CNNM2: variants seen among roughly 807,000 people sequenced by gnomAD.
CNNM2 encodes metal transporter CNNM2.
CNNM2 carries 12 observed loss-of-function variants against 66.9 expected under a neutral mutation model. The ratio of observed to expected loss-of-function variants is 0.18; its 90% CI spans 0.11 to 0.29. The LOEUF (loss-of-function observed/expected upper bound fraction) is 0.29, where lower values mean the gene tolerates loss of function less well. Among genes scored for constraint, CNNM2 ranks in the 10% least tolerant of loss-of-function variants. CNNM2 has a pLI of 1.00. For missense variants in CNNM2, 705 were observed against 1,167.7 expected (o/e 0.60, Z 5.77); for synonymous variants, 557 against 501.8 (o/e 1.11, Z -1.47).
rs368265402 is a variant in CNNM2, at chr10:103,036,958, C to T, written c.1622-12749C>T. Among the ~76,000 whole-genome samples the T allele has an allele frequency of 9.2e-5, 14 of 152,006 alleles. No homozygotes were observed. In the East Asian group the frequency reaches 2.7e-3, roughly 29 times the overall value. On this transcript the variant is annotated intron_variant, in intron 1 of 7. Transcript: ENST00000369878. ...GTCCTATACTGTGGCTCTGTCAATGCTCATATCGTGGTTGTGACTCTGTGC... is the reference window on the plus strand; with the variant it reads ...GTCCTATACTGTGGCTCTGTCAATGTTCATATCGTGGTTGTGACTCTGTGC...
At chr10:102,994,252 T>C (rs943704747) in intron 1 of CNNM2, among the ~76,000 whole-genome samples, 1 of 152,218 alleles carries the variant, frequency 6.6e-6, no homozygotes, top group African/African-American at 2.4e-5. Flanking sequence ...TCTTAACTTC[T>C]ACTCCTTACT....
In CNNM2 at chr10:103,079,237, G is replaced by A. The variant is rs2065732862; in HGVS notation, c.*2057G>A. On this transcript the variant is annotated 3_prime_UTR_variant, in exon 8 of 8. Transcript: ENST00000369878. ...CAGTGTGATGAGTGTATAAAGATGA[G>A]GGGTCCTTGCAACAAAGCAAAGCGT... The A allele has an allele frequency of 6.6e-6, 1 of 152,262 alleles. No individual in the cohort carries two copies. The allele number at this position is 152,262 out of a possible 1,614,324, so 9.4% of individuals were successfully genotyped here.
At chr10:102,985,522 C>A (rs1029572761) in intron 1 of CNNM2, among the ~76,000 whole-genome samples, 1 of 152,050 alleles carries the variant, frequency 6.6e-6, no homozygotes, top group African/African-American at 2.4e-5. Flanking sequence ...CTAAACTAAC[C>A]AGCAGACCCT....
chr10:103,014,723 C>T (rs569722389), intron 1 of CNNM2, among the ~76,000 whole-genome samples: 2 of 152,074 alleles, frequency 1.3e-5, no homozygotes, highest in African/African-American at 4.8e-5. Flanking sequence ...AGATGAAATT[C>T]CTCTATTAAA....
chr10:103,035,707 A>G (rs961018675), intron 1 of CNNM2, among the ~76,000 whole-genome samples: 4 of 152,154 alleles, frequency 2.6e-5, no homozygotes, highest in African/African-American at 9.7e-5. Context: ...AGCGAAAGAG[A>G]AAAGGAGTGG....
chr10:103,063,384 G>T (rs1013513371), intron 4 of CNNM2, among the ~76,000 whole-genome samples: 1 of 152,298 alleles, frequency 6.6e-6, no homozygotes, highest in South Asian at 2.1e-4. Context: ...TTGTGATGGC[G>T]ATTTAAAAAA....
rs2066059499 is a variant in CNNM2 at position 103,089,020 on chromosome 10, AAACAAACAAAAGGTAATAAGGATACT to A, written c.*11841_*11866del. 1 of 213,272 alleles carries A rather than the reference AAACAAACAAAAGGTAATAAGGATACT, an allele frequency of 4.7e-6. No individual in the cohort carries two copies. Among genetic ancestry groups the A allele is most frequent in the South Asian group, 1.9e-4 (1 of 5,372 alleles). The allele number at this position is 213,272 out of a possible 1,614,324, so 13.2% of individuals were successfully genotyped here. Reference sequence around the variant, plus strand: ...ATAACAAATAAGCATTTGTGCTATTAAACAAACAAAAGGTAATAAGGATACTGTCTTTTCCCTCAAAATAGAATCCT... The same window carrying A: ...ATAACAAATAAGCATTTGTGCTATTAGTCTTTTCCCTCAAAATAGAATCCT... On this transcript the variant is annotated 3_prime_UTR_variant, in exon 8 of 8. Coordinates refer to ENST00000369878, the MANE Select transcript of CNNM2 (RefSeq NM_017649.5).
chr10:103,033,804 G>A (rs1471290210), intron 1 of CNNM2, among the ~76,000 whole-genome samples: 7 of 152,124 alleles, frequency 4.6e-5, no homozygotes, highest in Non-Finnish European at 8.8e-5. Context: ...ATTTTTAAGA[G>A]CTATTGGGGG....
chr10:102,962,298 A>C (rs1001091039), intron 1 of CNNM2, among the ~76,000 whole-genome samples: 2 of 152,192 alleles, frequency 1.3e-5, no homozygotes, highest in African/African-American at 4.8e-5. Flanking sequence ...CAACCTGCAC[A>C]TCCTGCACAT....
Position 102,918,451 on chromosome 10 carries a change from G to T in CNNM2, c.-30G>T, listed in dbSNP as rs1414256715. 6.3e-7 allele frequency: 1 copy of T among 1,592,280 alleles called. No individual in the cohort carries two copies. Among genetic ancestry groups the T allele is most frequent in the Non-Finnish European group, 8.5e-7 (1 of 1,173,618 alleles). On this transcript the variant is annotated 5_prime_UTR_variant, in exon 1 of 8. The change creates a new upstream start codon in the 5' untranslated region. Coordinates refer to ENST00000369878, the MANE Select transcript of CNNM2 (RefSeq NM_017649.5). The surrounding 1 kb of genome is among the most constrained non-coding windows in gnomAD (Gnocchi z 4.1). ...CTGCGCTCGCGCCGCCGGGTTGAAA[G>T]GATGAAGCCGCAGCTGGAGCAGCCA...
chr10:102,968,224 TTTGTTG>T (rs367990275), intron 1 of CNNM2, among the ~76,000 whole-genome samples: 4 of 152,124 alleles, frequency 2.6e-5, no homozygotes, highest in Admixed American at 6.6e-5. Context: ...TCCACATCTT[TTTGTTG>T]TTGTTGTTGT....
chr10:103,034,834 C>T (rs1187350421), intron 1 of CNNM2, among the ~76,000 whole-genome samples: 2 of 151,808 alleles, frequency 1.3e-5, no homozygotes, highest in East Asian at 1.9e-4. Flanking sequence ...GGCGCGGTGG[C>T]GGGCGCCTGT....
At chr10:103,016,009 A>G (rs1425939797) in intron 1 of CNNM2, among the ~76,000 whole-genome samples, 3 of 152,150 alleles carry the variant, frequency 2.0e-5, no homozygotes, top group Non-Finnish European at 4.4e-5. Flanking sequence ...CCTTTTAAGT[A>G]CCATTAAGAC....
In CNNM2 at chr10:102,919,656, G is replaced by A; in HGVS notation, c.1176G>A (p.Pro392=). ...TGATGACCTTCCCCGCTTCCTACCCGGTCAGCAAGCTGCTGGACTGCGTCC... is the reference window on the plus strand; with the variant it reads ...TGATGACCTTCCCCGCTTCCTACCCAGTCAGCAAGCTGCTGGACTGCGTCC... ...FMMMTFPASY[P]VSKLLDCVLG... The change falls in exon 1 of 8, where the codon CCG becomes CCA. Residue 392 remains proline (P), a synonymous_variant. Transcript: ENST00000369878. 1 of 1,614,120 alleles carries A rather than the reference G, an allele frequency of 6.2e-7. No homozygotes were observed. Among genetic ancestry groups the A allele is most frequent in the Middle Eastern group, 1.6e-4 (1 of 6,062 alleles).
intron 1 of CNNM2, among the ~76,000 whole-genome samples, chr10:102,966,050 G>T (rs536631304): frequency 1.3e-5 from 2 of 152,240 alleles, no homozygotes; most frequent in African/African-American, 4.8e-5. Context: ...TGAAGTATAA[G>T]GAGCTGTATT....
intron 1 of CNNM2, among the ~76,000 whole-genome samples, chr10:102,973,210 A>G (rs1335135201): frequency 6.6e-6 from 1 of 151,484 alleles, no homozygotes; most frequent in Non-Finnish European, 1.5e-5. Context: ...CCTTCTAATT[A>G]AGTTTTATAT....
At chr10:103,059,372 A>G (rs2065346857) in intron 4 of CNNM2, among the ~76,000 whole-genome samples, 1 of 152,180 alleles carries the variant, frequency 6.6e-6, no homozygotes, top group African/African-American at 2.4e-5. Flanking sequence ...TGCAGGAAAA[A>G]ACCCTTTAAG....
At chr10:103,063,096 G>T (rs2065416371) in intron 4 of CNNM2, among the ~76,000 whole-genome samples, 1 of 152,176 alleles carries the variant, frequency 6.6e-6, no homozygotes, top group Non-Finnish European at 1.5e-5. Context: ...GGTAGCACTT[G>T]ATTGGAAAAT....
chr10:102,945,679 C>T (rs1260854840), intron 1 of CNNM2, among the ~76,000 whole-genome samples: 1 of 152,024 alleles, frequency 6.6e-6, no homozygotes, highest in African/African-American at 2.4e-5. Flanking sequence ...TTGTTGTTTT[C>T]TCCTAAGCAT....
Sources: gnomAD v4.1 joint callset for allele counts (sites outside exome capture counted in the v4.1 genomes callset) on GRCh38, gnomAD v4.1.1 for gene constraint, Gnocchi (gnomAD v3.1) non-coding constraint, MANE v1.5 for transcripts, NCBI Gene and HGNC (gene_info 2026-07-23, HGNC 2026-07-21) for gene names.